ERBB4: variants seen among roughly 807,000 people sequenced by gnomAD.
ERBB4 encodes the protein erb-b2 receptor tyrosine kinase 4.
ERBB4 carries 42 observed loss-of-function variants against 158.0 expected under a neutral mutation model. That is an observed-to-expected ratio of 0.27 (90% CI 0.21 to 0.34). The LOEUF is 0.34. ERBB4 is among the 10% of genes least tolerant of loss of function. The pLI, the probability that ERBB4 is intolerant of heterozygous loss-of-function variation, is 1.00. For synonymous variants in ERBB4, 583 were observed against 558.7 expected (o/e 1.04, Z -0.61); for missense variants, 1,333 against 1,624.1 (o/e 0.82, Z 3.08).
chr2:212,395,766 T>C (rs2091007558), intron 1 of ERBB4, among the ~76,000 whole-genome samples: 1 of 151,976 alleles, frequency 6.6e-6, no homozygotes, highest in South Asian at 2.1e-4. Context: ...ACTACAGACA[T>C]GTGCCACCAC....
At chr2:212,145,893 C>T (rs1033322196) in intron 1 of ERBB4, among the ~76,000 whole-genome samples, 1 of 152,088 alleles carries the variant, frequency 6.6e-6, no homozygotes, top group African/African-American at 2.4e-5. Flanking sequence ...TTCTCATCAC[C>T]ACTGTGGAAA....
chr2:211,517,015 G>A (rs2066052439), intron 20 of ERBB4, among the ~76,000 whole-genome samples: 1 of 152,150 alleles, frequency 6.6e-6, no homozygotes, highest in Non-Finnish European at 1.5e-5. Flanking sequence ...TTAGAGTGAT[G>A]CTCCTACAGT....
intron 12 of ERBB4, 103 bp downstream of exon 12, chr2:211,701,862 CAG>C: frequency 1.3e-6 from 1 of 757,010 alleles, no homozygotes; most frequent in South Asian, 1.5e-5. Context: ...GTTGGGATAA[CAG>C]AGCAACAATT....
intron 16 of ERBB4, among the ~76,000 whole-genome samples, chr2:211,641,244 G>C (rs2070574882): frequency 6.6e-6 from 1 of 151,840 alleles, no homozygotes; most frequent in African/African-American, 2.4e-5. Context: ...TGGCTAAAGG[G>C]GCTTTATTTC....
intron 6 of ERBB4, 117 bp downstream of exon 6, chr2:211,724,959 T>A: frequency 1.2e-6 from 1 of 810,622 alleles, no homozygotes; most frequent in Non-Finnish European, 2.2e-6. Flanking sequence ...GCATTTTTCT[T>A]AATCCTAAAG....
At chr2:211,872,644 T>C (rs1559598268) in intron 3 of ERBB4, among the ~76,000 whole-genome samples, 1 of 152,192 alleles carries the variant, frequency 6.6e-6, no homozygotes, top group African/African-American at 2.4e-5. Context: ...TATGGTATGA[T>C]AATTGCCCCT....
chr2:212,086,659 C>T (rs1307619822), intron 2 of ERBB4, among the ~76,000 whole-genome samples: 1 of 151,908 alleles, frequency 6.6e-6, no homozygotes, highest in Non-Finnish European at 1.5e-5. Context: ...GGTATATTAT[C>T]AGGGTCTTAA....
intron 1 of ERBB4, among the ~76,000 whole-genome samples, chr2:212,172,567 T>C (rs1205032935): frequency 6.6e-6 from 1 of 152,158 alleles, no homozygotes; most frequent in Non-Finnish European, 1.5e-5. Flanking sequence ...TACATTTGTA[T>C]ATGTGTATAT....
chr2:211,883,883 A>C (rs1468009794), intron 3 of ERBB4, among the ~76,000 whole-genome samples: 1 of 152,208 alleles, frequency 6.6e-6, no homozygotes, highest in Non-Finnish European at 1.5e-5. Context: ...CATTATAGAA[A>C]AACTCAATGG....
At chr2:211,395,096 C>T (rs992259031) in intron 25 of ERBB4, among the ~76,000 whole-genome samples, 1 of 152,006 alleles carries the variant, frequency 6.6e-6, no homozygotes, top group African/African-American at 2.4e-5. Flanking sequence ...AACATTAAAG[C>T]AAAGTATCTT....
chr2:211,627,877 T>C (rs2069923247), intron 17 of ERBB4, among the ~76,000 whole-genome samples: 1 of 152,202 alleles, frequency 6.6e-6, no homozygotes, highest in Non-Finnish European at 1.5e-5. Context: ...GAACTCAGTG[T>C]AGCAATATAA....
At chr2:212,452,538 G>A (rs1163833043) in intron 1 of ERBB4, among the ~76,000 whole-genome samples, 1 of 152,092 alleles carries the variant, frequency 6.6e-6, no homozygotes, top group Admixed American at 6.6e-5. Context: ...AGGAATGCGT[G>A]GGATGACATG....
At chr2:212,377,322 A>G (rs963355785) in intron 1 of ERBB4, among the ~76,000 whole-genome samples, 2 of 151,040 alleles carry the variant, frequency 1.3e-5, no homozygotes, top group Non-Finnish European at 3.0e-5. Context: ...GCTCTTCTAT[A>G]GAGATATGTT....
At chr2:211,795,764 T>C (rs1292124490) in intron 3 of ERBB4, among the ~76,000 whole-genome samples, 1 of 151,820 alleles carries the variant, frequency 6.6e-6, no homozygotes, top group Non-Finnish European at 1.5e-5. Flanking sequence ...ATTATACTTG[T>C]ATCTCGTTGG....
chr2:211,684,412 T>C (rs1165236345), intron 12 of ERBB4, among the ~76,000 whole-genome samples: 5 of 151,500 alleles, frequency 3.3e-5, no homozygotes, highest in Admixed American at 6.6e-5. Context: ...GATTGCACCA[T>C]TGCACTCCAG....
chr2:211,430,285 G>A (rs955874638), intron 21 of ERBB4, among the ~76,000 whole-genome samples: 75 of 152,168 alleles, frequency 4.9e-4, no homozygotes, highest in African/African-American at 1.7e-3. Flanking sequence ...GTTTCACTAG[G>A]TGAAGCTAGA....
intron 1 of ERBB4, among the ~76,000 whole-genome samples, chr2:212,407,157 T>A (rs115468517): frequency 0.023 from 3,497 of 151,042 alleles, 135 homozygotes; most frequent in African/African-American, 0.08. Flanking sequence ...TATATATAAA[T>A]ATACATTATC....
chr2:212,081,824 T>C (rs894094927), intron 2 of ERBB4, among the ~76,000 whole-genome samples: 3 of 152,134 alleles, frequency 2.0e-5, no homozygotes, highest in African/African-American at 7.2e-5. Flanking sequence ...TAAAGGGCTG[T>C]CAGTTCTGGG....
chr2:212,325,959 A>T lies in ERBB4; in HGVS notation c.83-201056T>A, dbSNP rs1476135679. On this transcript the variant is annotated intron_variant, in intron 1 of 27. Transcript: ENST00000342788. ...CTACACCTATTACCAAGACATGCCCAATTCAGAGTTCTGCCTGTATACATT... is the reference window on the plus strand; with the variant it reads ...CTACACCTATTACCAAGACATGCCCTATTCAGAGTTCTGCCTGTATACATT... Among the ~76,000 whole-genome samples the T allele has an allele frequency of 3.3e-5, 5 of 150,754 alleles. No individual in the cohort carries two copies. In the East Asian group the frequency reaches 9.8e-4, roughly 29 times the overall value.
Sources: allele counts gnomAD v4.1 joint callset (sites outside exome capture counted in the v4.1 genomes callset), GRCh38; gene constraint gnomAD v4.1.1; transcripts MANE v1.5; gene names NCBI Gene and HGNC (gene_info 2026-07-23, HGNC 2026-07-21).